Variants in PARD3B observed in about 807,000 individuals in gnomAD.
The protein encoded by PARD3B is partitioning defective 3 homolog B.
Under a neutral mutation model 130.2 loss-of-function variants are expected in PARD3B, and 103 were observed. That is an observed-to-expected ratio of 0.79 (90% CI 0.67 to 0.93). PARD3B has a LOEUF of 0.93. Among genes scored for constraint, PARD3B ranks in the 40% least tolerant of loss-of-function variants. The pLI is 0.00. For synonymous variants in PARD3B, 583 were observed against 553.2 expected (o/e 1.05, Z -0.76); for missense variants, 1,609 against 1,499.2 (o/e 1.07, Z -1.21).
In PARD3B at chr2:205,281,362, AGTGACCCATCTT is replaced by A. The variant is rs2041182162; in HGVS notation, c.2186-19165_2186-19154del. On this transcript the variant is annotated intron_variant, in intron 16 of 22. Transcript: ENST00000406610. This position sits in a 1 kb window ranked among gnomAD's most constrained non-coding sequence, Gnocchi z 4.2. The stretch of plus-strand genomic sequence containing the variant: ...CAAGGTGGAGCCAGGGACCAACTCG[AGTGACCCATCTT>A]GTAGGTCCCACACTGCCTAAGTCAT... 6.6e-6 allele frequency among the ~76,000 whole-genome samples: 1 copy of A among 152,200 alleles called. No homozygotes were observed. Among genetic ancestry groups the A allele is most frequent in the Non-Finnish European group, 1.5e-5 (1 of 68,026 alleles).
intron 14 of PARD3B, among the ~76,000 whole-genome samples, chr2:205,190,807 A>G (rs556659830): frequency 6.6e-6 from 1 of 152,338 alleles, no homozygotes; most frequent in East Asian, 1.9e-4. Flanking sequence ...TAAAGGTCGA[A>G]TAACACATTT....
At chr2:205,382,542 C>A (rs75239280) in intron 18 of PARD3B, among the ~76,000 whole-genome samples, 1 of 151,992 alleles carries the variant, frequency 6.6e-6, no homozygotes, top group African/African-American at 2.4e-5. Flanking sequence ...TGCAAATATC[C>A]TGTTTCTTTT....
chr2:205,580,297 G>A (rs909334291), intron 22 of PARD3B, among the ~76,000 whole-genome samples: 6 of 152,024 alleles, frequency 3.9e-5, no homozygotes, highest in Admixed American at 2.0e-4. Context: ...CAAGTATGAC[G>A]CACAGCATCT....
intron 19 of PARD3B, among the ~76,000 whole-genome samples, chr2:205,430,637 G>A (rs2047300690): frequency 6.6e-6 from 1 of 152,106 alleles, no homozygotes; most frequent in African/African-American, 2.4e-5. Flanking sequence ...TTGGGGGGAT[G>A]GAGGAATAAG....
chr2:205,302,071 T>TTC (rs1212365552), intron 18 of PARD3B, among the ~76,000 whole-genome samples: 2 of 127,476 alleles, frequency 1.6e-5, no homozygotes, highest in African/African-American at 5.9e-5. Context: ...TTTTCTTTTT[T>TTC]TTTTTTTTTT....
chr2:205,431,760 C>T (rs140802221), intron 19 of PARD3B, among the ~76,000 whole-genome samples: 6,359 of 152,114 alleles, frequency 0.042, 143 homozygotes, highest in Middle Eastern at 0.061. Context: ...TGAGCCACCG[C>T]GACTGGCCAC....
At position 205,116,389 on chromosome 2, in the gene PARD3B, G is replaced by T. The variant is rs562820986; in HGVS notation, c.681-2532G>T. Among the ~76,000 whole-genome samples, 11 of 152,216 alleles carry T rather than the reference G, an allele frequency of 7.2e-5. No homozygotes were observed. In the South Asian group the frequency reaches 2.3e-3, roughly 32 times the overall value. ...ATTCTAAGCTGGTAGAGTCACTGAG[G>T]CTGTGTGACATTGGGAAAAGAACAG... On this transcript the variant is annotated intron_variant, in intron 6 of 22. Transcript: ENST00000406610. This position sits in a 1 kb window ranked among gnomAD's most constrained non-coding sequence, Gnocchi z 4.5.
At chr2:204,968,191 A>C (rs1348407171) in intron 3 of PARD3B, among the ~76,000 whole-genome samples, 1 of 152,204 alleles carries the variant, frequency 6.6e-6, no homozygotes, top group Non-Finnish European at 1.5e-5. Flanking sequence ...TTTCTTAATT[A>C]AGCAGACACA....
chr2:205,539,716 T>A (rs1363789939), intron 21 of PARD3B, among the ~76,000 whole-genome samples: 1 of 152,166 alleles, frequency 6.6e-6, no homozygotes, highest in African/African-American at 2.4e-5. Flanking sequence ...TTTGATCAGA[T>A]CACTGAACAC....
chr2:204,962,689 C>T (rs1448071025), intron 2 of PARD3B, among the ~76,000 whole-genome samples: 1 of 152,082 alleles, frequency 6.6e-6, no homozygotes, highest in Admixed American at 6.6e-5. Context: ...ATGATTTAAA[C>T]CAGTTATCAA....
chr2:205,223,129 C>T (rs2038332455), intron 15 of PARD3B, among the ~76,000 whole-genome samples: 1 of 151,956 alleles, frequency 6.6e-6, no homozygotes, highest in African/African-American at 2.4e-5. Context: ...AGATCAGCGG[C>T]ATTTTCAACA....
chr2:205,288,438 A>G lies in PARD3B; in HGVS notation c.2186-12092A>G, dbSNP rs2041477821. Among the ~76,000 whole-genome samples, 1 of 152,194 alleles carries G rather than the reference A, an allele frequency of 6.6e-6. No homozygotes were observed. Among genetic ancestry groups the G allele is most frequent in the South Asian group, 2.1e-4 (1 of 4,828 alleles). On this transcript the variant is annotated intron_variant, in intron 16 of 22. Coordinates refer to ENST00000406610, the MANE Select transcript of PARD3B (RefSeq NM_001302769.2). This position sits in a 1 kb window ranked among gnomAD's most constrained non-coding sequence, Gnocchi z 4.0. Reference sequence around the variant, plus strand: ...GCAATGAGTTCCATTGCTGCAAAATATACCACTCTCTTTCCCTTTAATTTA... The same window carrying G: ...GCAATGAGTTCCATTGCTGCAAAATGTACCACTCTCTTTCCCTTTAATTTA...
At chr2:205,383,055 T>G (rs1354741957) in intron 18 of PARD3B, among the ~76,000 whole-genome samples, 3 of 115,410 alleles carry the variant, frequency 2.6e-5, no homozygotes, top group African/African-American at 8.0e-5. Context: ...TTCTAGACTC[T>G]CTCAGGAAAC....
At chr2:205,154,244 A>G (rs956582680) in intron 10 of PARD3B, among the ~76,000 whole-genome samples, 27 of 152,254 alleles carry the variant, frequency 1.8e-4, no homozygotes, top group African/African-American at 6.5e-4. Context: ...AAGGATATGA[A>G]AAAACACTTC....
At chr2:205,581,386 AATATATATAAAT>A (rs1194889304) in intron 22 of PARD3B, among the ~76,000 whole-genome samples, 8 of 80,356 alleles carry the variant, frequency 1.0e-4, no homozygotes, top group East Asian at 6.3e-4. Context: ...TGTATATATA[AATATATATAAAT>A]ATATATATAA....
At chr2:204,611,822 C>T (rs370695488) in intron 1 of PARD3B, among the ~76,000 whole-genome samples, 2 of 141,690 alleles carry the variant, frequency 1.4e-5, no homozygotes, top group Non-Finnish European at 3.1e-5. Context: ...ATAGGAACAA[C>T]AACAACTATA....
intron 18 of PARD3B, among the ~76,000 whole-genome samples, chr2:205,331,981 T>C (rs1418149138): frequency 6.6e-6 from 1 of 151,740 alleles, no homozygotes; most frequent in African/African-American, 2.4e-5. Context: ...GGTGTGAGCC[T>C]GTAATCCCAG....
chr2:204,872,131 G>A (rs2045652376), intron 2 of PARD3B, among the ~76,000 whole-genome samples: 1 of 151,930 alleles, frequency 6.6e-6, no homozygotes, highest in Non-Finnish European at 1.5e-5. Flanking sequence ...AATTATTTTT[G>A]TTTTGTTTTC....
chr2:205,380,546 A>AGTATATATTATATATAATAT (rs2045324042), intron 18 of PARD3B, among the ~76,000 whole-genome samples: 1 of 29,788 alleles, frequency 3.4e-5, no homozygotes, highest in African/African-American at 3.7e-4. Context: ...ATAATATATA[A>AGTATATATTATATATAATAT]AGAATATATA....
Sources: gnomAD v4.1 joint callset for allele counts (sites outside exome capture counted in the v4.1 genomes callset) on GRCh38, gnomAD v4.1.1 for gene constraint, Gnocchi (gnomAD v3.1) non-coding constraint, MANE v1.5 for transcripts, NCBI Gene and HGNC (gene_info 2026-07-23, HGNC 2026-07-21) for gene names.